Variants in C1QTNF9B observed in about 807,000 individuals in gnomAD.
C1QTNF9B encodes complement C1q and tumor necrosis factor-related protein 9B.
In C1QTNF9B, 9 loss-of-function variants were observed where a neutral mutation model predicts 10.1. That is an observed-to-expected ratio of 0.89 (90% CI 0.53 to 1.55). The LOEUF is 1.55. Among genes scored for constraint, C1QTNF9B ranks in the 40% most tolerant of loss-of-function variants. The pLI, the probability that C1QTNF9B is intolerant of heterozygous loss-of-function variation, is 0.00. For missense variants in C1QTNF9B, 196 were observed against 414.4 expected (o/e 0.47, Z 4.58); for synonymous variants, 79 against 159.9 (o/e 0.49, Z 3.82).
intron 1 of C1QTNF9B, among the ~76,000 whole-genome samples, chr13:23,896,045 T>C (rs1209476886): frequency 1.3e-5 from 2 of 152,240 alleles, no homozygotes; most frequent in South Asian, 2.1e-4. Context: ...TGAGACATGT[T>C]AGAAACACAA....
chr13:23,894,314 C>T (rs540628930), intron 1 of C1QTNF9B, 113 bp from the exon 4 acceptor site: 48 of 1,012,308 alleles, frequency 4.7e-5, no homozygotes, highest in Non-Finnish European at 3.6e-5. Flanking sequence ...CCCGCCCTGA[C>T]GGGCACTCTG....
chr13:23,896,929 G>A lies in C1QTNF9B; in HGVS notation c.58C>T (p.Gln20Ter). 2 of 1,614,052 alleles carry A rather than the reference G, an allele frequency of 1.2e-6. No individual in the cohort carries two copies. The highest frequency in any genetic ancestry group is 1.3e-5 in the African/African-American group (1 of 75,012). The change falls in exon 1 of 3, where the codon CAG (glutamine) becomes TAG (stop). Residue 20 changes from glutamine to a stop codon, truncating the protein, a stop_gained. Transcript: ENST00000382137. LOFTEE classifies it high-confidence loss of function. ...GGGTGCCCTTGCCTGCAGGTGTCCT[G>A]TGAGTTTATGTTCCCTGTGCAGATT...
chr13:23,891,362 C>A lies in C1QTNF9B; in HGVS notation c.929G>T (p.Arg310Met). The change falls in exon 3 of 3, where the codon AGG becomes ATG. Residue 310 changes from arginine (R) to methionine (M), a missense_variant. By Grantham distance (91) the Arg-to-Met change is moderately conservative. This residue lies in a region of C1QTNF9B where 72 missense variants were observed against 87.1 expected (regional missense o/e 0.83). Transcript: ENST00000382137. ...CTCATCAGCAAACAAGCCATTGAACCTCTCTCCTCCTGTCACCTGCAGCCA... is the reference window on the plus strand; with the variant it reads ...CTCATCAGCAAACAAGCCATTGAACATCTCTCCTCCTGTCACCTGCAGCCA... 3.2e-6 allele frequency: 5 copies of A among 1,577,976 alleles called. 1 individual carries two copies. Among genetic ancestry groups the A allele is most frequent in the Non-Finnish European group, 4.3e-6 (5 of 1,151,754 alleles).
chr13:23,896,463 G>A (rs141757154), intron 1 of C1QTNF9B, among the ~76,000 whole-genome samples: 47 of 152,348 alleles, frequency 3.1e-4, no homozygotes, highest in African/African-American at 1.1e-3. Context: ...TTGGCCTCGT[G>A]TTGCCAAAAA....
intron 2 of C1QTNF9B, among the ~76,000 whole-genome samples, chr13:23,893,048 A>G (rs1243714349): frequency 6.6e-6 from 1 of 152,048 alleles, no homozygotes; most frequent in Non-Finnish European, 1.5e-5. Flanking sequence ...ACCCCCACCC[A>G]TACCAAAGAG....
At chr13:23,894,721 G>A (rs796556379) in intron 1 of C1QTNF9B, 9 of 437,336 alleles carry the variant, frequency 2.1e-5, no homozygotes, top group South Asian at 1.1e-4. Flanking sequence ...TCCCTCTAGT[G>A]CCTTACACTG....
intron 1 of C1QTNF9B, among the ~76,000 whole-genome samples, chr13:23,895,154 T>G (rs1872152039): frequency 6.6e-6 from 1 of 151,834 alleles, no homozygotes; most frequent in African/African-American, 2.4e-5. Context: ...CTCCCTGCGC[T>G]CCCCTTCCCT....
rs201194245 is a variant in C1QTNF9B at position 23,896,971 on chromosome 13, G to A, written c.16C>T (p.Leu6Phe). The A allele has an allele frequency of 8.1e-6, 13 of 1,613,692 alleles. No homozygotes were observed. The African/African-American group carries it at 1.1e-4, about 13-fold the overall frequency. ...GTGCAGATTTCAATGGCAAGCAGAA[G>A]CCACCAGATCCTCATGGTTCAGATG... Residue 6 changes from leucine to phenylalanine, a missense_variant, in exon 1 of 3, where the codon CTT becomes TTT. Physicochemically the swap from Leu to Phe is conservative, Grantham distance 22. Coordinates refer to ENST00000382137, the Ensembl canonical transcript of C1QTNF9B.
At chr13:23,894,681 C>G (rs1175663080) in intron 1 of C1QTNF9B, 6 of 456,006 alleles carry the variant, frequency 1.3e-5, no homozygotes, top group Non-Finnish European at 2.2e-5. Context: ...GTGACACTAT[C>G]CCAAGATAGA....
At chr13:23,893,401 A>C (rs1419956168) in intron 2 of C1QTNF9B, among the ~76,000 whole-genome samples, 5 of 152,194 alleles carry the variant, frequency 3.3e-5, no homozygotes, top group Non-Finnish European at 5.9e-5. Flanking sequence ...AAAGTTCAGC[A>C]AACTACAGCC....
Position 23,892,080 on chromosome 13 carries a change from A to G in C1QTNF9B, c.230-19T>C, listed in dbSNP as rs1191239360. On this transcript the variant is annotated intron_variant, in intron 2 of 2. Coordinates refer to ENST00000382137, the Ensembl canonical transcript of C1QTNF9B. ...TCTGCTCCTAAATAGAGAAAGAGCA[A>G]ATAAAGAGATAGTTTGTGAAAGATT... 1.9e-6 allele frequency: 3 copies of G among 1,610,888 alleles called. No homozygotes were observed. The highest frequency in any genetic ancestry group is 2.2e-5 in the East Asian group (1 of 44,888).
intron 1 of C1QTNF9B, 47 bp downstream of exon 3, chr13:23,896,774 T>C (rs7317337): frequency 6.3e-7 from 1 of 1,579,776 alleles, no homozygotes; most frequent in Non-Finnish European, 8.6e-7. Context: ...GAGATGAAAG[T>C]AATGAAGAGA....
chr13:23,892,088 GAT>G (rs778185961), intron 2 of C1QTNF9B, 27 bp from the exon 5 acceptor site: 13 of 1,609,234 alleles, frequency 8.1e-6, no homozygotes, highest in Non-Finnish European at 1.1e-5. Context: ...CAAATAAAGA[GAT>G]AGTTTGTGAA....
chr13:23,896,377 C>T (rs1322817671), intron 1 of C1QTNF9B, among the ~76,000 whole-genome samples: 2 of 152,248 alleles, frequency 1.3e-5, no homozygotes, highest in African/African-American at 2.4e-5. Context: ...TGCTTCATGA[C>T]ATGATATGGT....
At chr13:23,892,954 T>C (rs549736355) in intron 2 of C1QTNF9B, among the ~76,000 whole-genome samples, 2 of 152,276 alleles carry the variant, frequency 1.3e-5, no homozygotes, top group South Asian at 2.1e-4. Context: ...CATCGAGGCA[T>C]TGCCCTCTCC....
intron 2 of C1QTNF9B, among the ~76,000 whole-genome samples, chr13:23,892,998 C>T (rs1340385832): frequency 6.6e-6 from 1 of 152,156 alleles, no homozygotes; most frequent in East Asian, 1.9e-4. Flanking sequence ...CCTATCCCAC[C>T]GGCAATTCAT....
At chr13:23,897,476 T>C (rs1296191279), upstream of C1QTNF9B, 5 of 165,378 alleles carry the variant, frequency 3.0e-5, no homozygotes, top group Non-Finnish European at 2.6e-5. Context: ...AAGCAAGGAC[T>C]AGAACAGATG....
chr13:23,897,049 C>A, upstream of C1QTNF9B: 1 of 1,604,568 alleles, frequency 6.2e-7, no homozygotes, highest in East Asian at 2.2e-5. Flanking sequence ...ACCTTTGTTG[C>A]TGGGGCCCTG....
At chr13:23,896,982 C>T in exon 1 of C1QTNF9B, 3 of 1,613,852 alleles carry the variant, frequency 1.9e-6, no homozygotes, top group Non-Finnish European at 2.5e-6. Flanking sequence ...CCACCAGATC[C>T]TCATGGTTCA....
Sources: gnomAD v4.1 joint callset for allele counts (sites outside exome capture counted in the v4.1 genomes callset) on GRCh38, gnomAD v4.1.1 for gene constraint, gnomAD v4.1.1 regional missense constraint, MANE v1.5 for transcripts, NCBI Gene and HGNC (gene_info 2026-07-23, HGNC 2026-07-21) for gene names.